Variants in JPH2 observed in about 807,000 individuals in gnomAD.
The protein encoded by JPH2 is junctophilin 2.
JPH2 carries 38 observed loss-of-function variants against 55.9 expected under a neutral mutation model. The observed-to-expected ratio is 0.68, with a 90% confidence interval of 0.52 to 0.89. JPH2 has a LOEUF of 0.89. Ranked by LOEUF, JPH2 falls within the 40% of genes least tolerant of loss-of-function variation. JPH2 has a pLI of 0.00. For missense variants in JPH2, 964 were observed against 1,037.6 expected (o/e 0.93, Z 0.97); for synonymous variants, 480 against 472.4 (o/e 1.02, Z -0.21).
chr20:44,108,420 T>A lies in JPH2; in HGVS notation c.*5098A>T, dbSNP rs1271023466. On this transcript the variant is annotated 3_prime_UTR_variant, in exon 6 of 6. Coordinates refer to ENST00000372980, the MANE Select transcript of JPH2 (RefSeq NM_020433.5). Reference sequence around the variant, plus strand: ...TAGGAACCCCCTTGTTTGTAGCCAGTCAGTATGAACTGATGGTGGCCCTGG... The same window carrying A: ...TAGGAACCCCCTTGTTTGTAGCCAGACAGTATGAACTGATGGTGGCCCTGG... Among the ~76,000 whole-genome samples the A allele has an allele frequency of 6.6e-6, 1 of 152,034 alleles. No homozygotes were observed. The highest frequency in any genetic ancestry group is 1.5e-5 in the Non-Finnish European group (1 of 68,014).
chr20:44,119,244 G>A (rs1423809179), intron 2 of JPH2, among the ~76,000 whole-genome samples: 1 of 152,130 alleles, frequency 6.6e-6, no homozygotes, highest in African/African-American at 2.4e-5. Context: ...GTATAGATAA[G>A]CATAAAGGAT....
At chr20:44,126,164 G>A (rs112376805) in intron 2 of JPH2, among the ~76,000 whole-genome samples, 683 of 30,084 alleles carry the variant, frequency 0.023, 20 homozygotes, top group African/African-American at 0.072. Context: ...GGGAGGGAGG[G>A]AGGGAGGAAG....
At chr20:44,154,986 G>A (rs2072555003) in intron 2 of JPH2, among the ~76,000 whole-genome samples, 1 of 151,374 alleles carries the variant, frequency 6.6e-6, no homozygotes, top group South Asian at 2.1e-4. Context: ...CCCGGCTGTG[G>A]GCCTGGCAGC....
chr20:44,118,528 A>C lies in JPH2; in HGVS notation c.1265T>G (p.Leu422Arg). Residue 422 changes from leucine to arginine, a missense_variant, in exon 3 of 6, where the codon CTG becomes CGG. By Grantham distance (102) the Leu-to-Arg change is moderately radical. Coordinates refer to ENST00000372980, the MANE Select transcript of JPH2 (RefSeq NM_020433.5). ...ACCTGGCTGGTAGAAGTCCGGAGCC[A>C]GCTCCCTGGCCAAAGTGCGAGCAAT... ...SNIARTLARE[L>R]APDFYQPGPE... 1 of 1,613,286 alleles carries C rather than the reference A, an allele frequency of 6.2e-7. No individual in the cohort carries two copies.
rs2072127065 is a variant in JPH2 at position 44,109,435 on chromosome 20, G to A, written c.*4083C>T. ...AGTAAGAAAGTTCTAGATGTTAAGG[G>A]ACAGAGCCAAGATTTGAACCAGCAA... On this transcript the variant is annotated 3_prime_UTR_variant, in exon 6 of 6. Transcript: ENST00000372980. Among the ~76,000 whole-genome samples, 4 of 152,152 alleles carry A rather than the reference G, an allele frequency of 2.6e-5. No individual in the cohort carries two copies. The highest frequency in any genetic ancestry group is 9.7e-5 in the African/African-American group (4 of 41,432).
chr20:44,136,380 C>G (rs1218714048), intron 2 of JPH2, among the ~76,000 whole-genome samples: 1 of 152,146 alleles, frequency 6.6e-6, no homozygotes, highest in Non-Finnish European at 1.5e-5. Context: ...TCACCCTTTG[C>G]CTATTCTGCT....
Position 44,116,179 on chromosome 20 carries a change from G to A in JPH2, c.1496C>T (p.Pro499Leu). ...CAGCAGGCCGTCCTTGGACACCCCG[G>A]GCCTGGGCCGCTTGGGCTGCGGGGG... ...GTPPQPKRPR[P>L]GVSKDGLLSP... is the part of the protein sequence containing the mutation. Residue 499 changes from proline to leucine, a missense_variant, in exon 4 of 6, where the codon CCC (proline) becomes CTC (leucine). Coordinates refer to ENST00000372980, the MANE Select transcript of JPH2 (RefSeq NM_020433.5). 7.2e-7 allele frequency: 1 copy of A among 1,395,958 alleles called. No individual in the cohort carries two copies. The highest frequency in any genetic ancestry group is 1.5e-5 in the African/African-American group (1 of 65,512). The allele number at this position is 1,395,958 out of a possible 1,614,324, so 86.5% of individuals were successfully genotyped here.
At chr20:44,131,429 C>CG (rs1240460340) in intron 2 of JPH2, among the ~76,000 whole-genome samples, 4 of 152,154 alleles carry the variant, frequency 2.6e-5, no homozygotes, top group Admixed American at 6.5e-5. Flanking sequence ...CCCTGATACC[C>CG]GACCTGCAGA....
Position 44,168,104 on chromosome 20 carries a change from A to G in JPH2, c.380-7697T>C, listed in dbSNP as rs117720283. Among the ~76,000 whole-genome samples the G allele has an allele frequency of 6.4e-3, 968 of 152,298 alleles. 6 individuals carry two copies. Among genetic ancestry groups the G allele is most frequent in the Non-Finnish European group, 9.9e-3 (671 of 68,030 alleles). ...GTGCCTAGGATATAGTAAGTGTTCA[A>G]TAAACCCTAGATTTTTGACAGGTCA... On this transcript the variant is annotated intron_variant, in intron 1 of 5. Coordinates refer to ENST00000372980, the MANE Select transcript of JPH2 (RefSeq NM_020433.5).
intron 2 of JPH2, among the ~76,000 whole-genome samples, chr20:44,143,801 A>G (rs141855255): frequency 0.013 from 1,994 of 152,212 alleles, 30 homozygotes; most frequent in South Asian, 0.049. Flanking sequence ...CATGCTGGCT[A>G]TTGTGTGGAG....
At position 44,107,458 on chromosome 20, in the gene JPH2, C is replaced by A. The variant is rs368239839; in HGVS notation, c.*6060G>T. On this transcript the variant is annotated 3_prime_UTR_variant, in exon 6 of 6. Coordinates refer to ENST00000372980, the MANE Select transcript of JPH2 (RefSeq NM_020433.5). ...TGAGCTCTGGCTAGTGGAATATGAGCAGAAGTGATGTGTGCTGTTTTCCTG... is the reference window on the plus strand; with the variant it reads ...TGAGCTCTGGCTAGTGGAATATGAGAAGAAGTGATGTGTGCTGTTTTCCTG... Among the ~76,000 whole-genome samples, 5 of 152,190 alleles carry A rather than the reference C, an allele frequency of 3.3e-5. No homozygotes were observed. In the East Asian group the frequency reaches 7.7e-4, roughly 23 times the overall value.
At chr20:44,162,779 T>TACACAC (rs1569212148) in intron 1 of JPH2, among the ~76,000 whole-genome samples, 1 of 79,778 alleles carries the variant, frequency 1.3e-5, no homozygotes, top group East Asian at 3.2e-4. Context: ...TATATATATA[T>TACACAC]ATATATATAC....
chr20:44,183,520 C>T (rs539895155), intron 1 of JPH2, among the ~76,000 whole-genome samples: 148 of 152,336 alleles, frequency 9.7e-4, no homozygotes, highest in African/African-American at 3.5e-3. Flanking sequence ...ATCTATCCTG[C>T]ATCTGAGGCT....
In JPH2 at chr20:44,116,169, G is replaced by A. The variant is rs1176571848; in HGVS notation, c.1506C>T (p.Ser502=). 7.1e-7 allele frequency: 1 copy of A among 1,414,010 alleles called. No individual in the cohort carries two copies. Among genetic ancestry groups the A allele is most frequent in the Non-Finnish European group, 9.1e-7 (1 of 1,094,784 alleles). 87.6% of individuals were successfully genotyped at this position (1,414,010 alleles called of 1,614,324 possible). ...PQPKRPRPGV[S]KDGLLSPGAW... is the part of the protein sequence containing the mutation. The stretch of plus-strand genomic sequence containing the variant: ...CGCCTGGGCTCAGCAGGCCGTCCTT[G>A]GACACCCCGGGCCTGGGCCGCTTGG... Residue 502 remains serine (S), a synonymous_variant, in exon 4 of 6, where the codon TCC becomes TCT. Coordinates refer to ENST00000372980, the MANE Select transcript of JPH2 (RefSeq NM_020433.5).
At chr20:44,148,878 A>G (rs1397799038) in intron 2 of JPH2, among the ~76,000 whole-genome samples, 1 of 152,102 alleles carries the variant, frequency 6.6e-6, no homozygotes. Context: ...CCTGGCTAAC[A>G]TGGTGAAACC....
chr20:44,120,815 C>A (rs2072230284), intron 2 of JPH2, among the ~76,000 whole-genome samples: 1 of 152,202 alleles, frequency 6.6e-6, no homozygotes. Flanking sequence ...ACATTCAAAG[C>A]TGTCCTGGGC....
intron 2 of JPH2, among the ~76,000 whole-genome samples, chr20:44,122,189 A>G (rs1031956666): frequency 6.6e-6 from 1 of 152,204 alleles, no homozygotes; most frequent in African/African-American, 2.4e-5. Flanking sequence ...CCACTATGCC[A>G]TATTGCCATA....
rs1458495839 is a variant in JPH2 at position 44,111,040 on chromosome 20, G to A, written c.*2478C>T. On this transcript the variant is annotated 3_prime_UTR_variant, in exon 6 of 6. Transcript: ENST00000372980. Reference sequence around the variant, plus strand: ...CATGGGCAGTACTTATTCCTAAAAAGTCAAGAGAACTGCTTTCCTGCCACC... The same window carrying A: ...CATGGGCAGTACTTATTCCTAAAAAATCAAGAGAACTGCTTTCCTGCCACC... 1.3e-5 allele frequency among the ~76,000 whole-genome samples: 2 copies of A among 152,250 alleles called. No individual in the cohort carries two copies. Among genetic ancestry groups the A allele is most frequent in the South Asian group, 4.1e-4 (2 of 4,832 alleles).
At chr20:44,175,912 G>A in intron 1 of JPH2, among the ~76,000 whole-genome samples, 1 of 152,208 alleles carries the variant, frequency 6.6e-6, no homozygotes, top group Non-Finnish European at 1.5e-5. Flanking sequence ...CCTGTGCACA[G>A]GCCTGCCCAG....
Sources: allele counts gnomAD v4.1 joint callset (sites outside exome capture counted in the v4.1 genomes callset), GRCh38; gene constraint gnomAD v4.1.1; transcripts MANE v1.5; gene names NCBI Gene and HGNC (gene_info 2026-07-23, HGNC 2026-07-21).